Variants in CDK6 observed in about 807,000 individuals in gnomAD.
CDK6 encodes the protein cyclin-dependent kinase 6.
A neutral mutation model predicts 37.1 loss-of-function variants in CDK6; 6 were observed. The observed-to-expected ratio is 0.16, with a 90% CI of 0.09 to 0.32. CDK6 has a LOEUF of 0.32. CDK6 is among the 10% of genes least tolerant of loss of function. The probability of loss-of-function intolerance (pLI) is 1.00; values close to 1 mark genes in which losing one functional copy is unlikely to be tolerated. For missense variants in CDK6, 224 were observed against 418.9 expected, an observed-to-expected ratio of 0.53 and a Z score of 4.06; for synonymous variants, 160 against 161.3, an observed-to-expected ratio of 0.99 and a Z score of 0.06.
chr7:92,631,999 C>T (rs765558172), intron 5 of CDK6, among the ~76,000 whole-genome samples: 11 of 152,130 alleles, frequency 7.2e-5, no homozygotes, highest in African/African-American at 2.2e-4. Context: ...ACATACATTA[C>T]GGTAACTAAA....
At chr7:92,814,943 T>C (rs1194443907) in intron 2 of CDK6, among the ~76,000 whole-genome samples, 2 of 152,056 alleles carry the variant, frequency 1.3e-5, no homozygotes, top group African/African-American at 4.8e-5. Flanking sequence ...GTACATAATT[T>C]TTATAATTCA....
chr7:92,680,435 GAAAAAAAAAAAAAAA>G (rs778849907), intron 4 of CDK6, among the ~76,000 whole-genome samples: 2 of 27,934 alleles, frequency 7.2e-5, no homozygotes, highest in Non-Finnish European at 1.6e-4. Flanking sequence ...TTCCATCTCA[GAAAAAAAAAAAAAAA>G]AAAAAAAAAA....
intron 2 of CDK6, among the ~76,000 whole-genome samples, chr7:92,783,684 C>T (rs142535979): frequency 9.4e-4 from 143 of 152,266 alleles, no homozygotes; most frequent in African/African-American, 3.4e-3. Flanking sequence ...ATCCCCTAAA[C>T]TGGGCAAGTT....
chr7:92,619,116 C>G (rs1036889892), intron 6 of CDK6, among the ~76,000 whole-genome samples: 11 of 152,070 alleles, frequency 7.2e-5, no homozygotes, highest in Admixed American at 3.3e-4. Flanking sequence ...AAGCACAGCA[C>G]CTGATATACA....
intron 5 of CDK6, among the ~76,000 whole-genome samples, chr7:92,666,525 G>A (rs1796959423): frequency 6.6e-6 from 1 of 152,174 alleles, no homozygotes; most frequent in African/African-American, 2.4e-5. Context: ...ATTCTAATGT[G>A]TATCAGACAA....
intron 4 of CDK6, among the ~76,000 whole-genome samples, chr7:92,677,492 G>A (rs530487275): frequency 6.6e-6 from 1 of 152,260 alleles, no homozygotes; most frequent in African/African-American, 2.4e-5. Context: ...GGTGGCACAC[G>A]CCTGTAATCC....
intron 2 of CDK6, among the ~76,000 whole-genome samples, chr7:92,800,198 C>A (rs1312389486): frequency 6.6e-6 from 1 of 152,146 alleles, no homozygotes; most frequent in Non-Finnish European, 1.5e-5. Flanking sequence ...AATCTCCTAA[C>A]CAGTTCACCT....
At chr7:92,757,399 G>A (rs1461214332) in intron 3 of CDK6, among the ~76,000 whole-genome samples, 2 of 152,176 alleles carry the variant, frequency 1.3e-5, no homozygotes, top group Non-Finnish European at 2.9e-5. Flanking sequence ...GTGAGGACAT[G>A]CAGTATTTGG....
intron 3 of CDK6, among the ~76,000 whole-genome samples, chr7:92,751,439 A>AT (rs1022490183): frequency 1.3e-5 from 2 of 152,054 alleles, no homozygotes; most frequent in African/African-American, 4.8e-5. Flanking sequence ...TTTAAGCAGG[A>AT]TTTTTTCATT....
chr7:92,681,556 T>C (rs1465927708), intron 4 of CDK6, among the ~76,000 whole-genome samples: 2 of 152,182 alleles, frequency 1.3e-5, no homozygotes, highest in South Asian at 2.1e-4. Context: ...CAATTCATCA[T>C]GTGAATGTCT....
intron 3 of CDK6, 149 bp from the exon 4 acceptor site, chr7:92,725,942 C>T: frequency 3.2e-6 from 2 of 632,556 alleles, no homozygotes; most frequent in Non-Finnish European, 5.4e-6. Context: ...AATTGTCTCC[C>T]TTCCTGCCTT....
At chr7:92,801,956 TC>T (rs1301144988) in intron 2 of CDK6, among the ~76,000 whole-genome samples, 8 of 64,366 alleles carry the variant, frequency 1.2e-4, no homozygotes, top group African/African-American at 4.2e-4. Context: ...TCTCCTCCCC[TC>T]CCCCCCGTTC....
chr7:92,746,488 A>C (rs1799062473), intron 3 of CDK6, among the ~76,000 whole-genome samples: 1 of 152,228 alleles, frequency 6.6e-6, no homozygotes, highest in South Asian at 2.1e-4. Context: ...CAGAAGTATA[A>C]ATATTGTATA....
rs564135494 is a variant in CDK6, at chr7:92,612,556, A to C, written c.*2584T>G. 9 of 233,122 alleles carry C rather than the reference A, an allele frequency of 3.9e-5. No individual in the cohort carries two copies. The South Asian group carries it at 1.4e-3, about 37-fold the overall frequency. The allele number at this position is 233,122 out of a possible 1,614,324, so 14.4% of individuals were successfully genotyped here. A position where few individuals can be genotyped will look rare whatever the true frequency, so the allele number is the denominator to read the frequency against. On this transcript the variant is annotated 3_prime_UTR_variant, in exon 8 of 8. Coordinates refer to ENST00000424848, the MANE Select transcript of CDK6 (RefSeq NM_001145306.2). ...GGAAGAACTGGGGACAGATTTTTAC[A>C]AAGTTCAGAGAGGCTGAGATGCCCT...
At chr7:92,782,264 C>T (rs1454532718) in intron 2 of CDK6, among the ~76,000 whole-genome samples, 1 of 152,152 alleles carries the variant, frequency 6.6e-6, no homozygotes, top group East Asian at 1.9e-4. Flanking sequence ...ACACTATGTA[C>T]AACTTTATAT....
intron 5 of CDK6, among the ~76,000 whole-genome samples, chr7:92,644,688 A>G (rs1020689918): frequency 2.0e-5 from 3 of 152,232 alleles, no homozygotes; most frequent in Non-Finnish European, 1.5e-5. Flanking sequence ...AAAAAGAGGA[A>G]GGAAAGCTCA....
At chr7:92,621,540 C>T (rs922095976) in intron 6 of CDK6, among the ~76,000 whole-genome samples, 3 of 152,182 alleles carry the variant, frequency 2.0e-5, no homozygotes, top group Non-Finnish European at 2.9e-5. Context: ...CTTTCAAGTC[C>T]TGGCAAGCTG....
chr7:92,648,939 AT>A (rs1796509393), intron 5 of CDK6, among the ~76,000 whole-genome samples: 1 of 152,192 alleles, frequency 6.6e-6, no homozygotes, highest in South Asian at 2.1e-4. Context: ...ATCTTAATTC[AT>A]AAATGTTAAA....
chr7:92,709,571 T>A (rs150401809), intron 4 of CDK6, among the ~76,000 whole-genome samples: 1 of 152,220 alleles, frequency 6.6e-6, no homozygotes, highest in Non-Finnish European at 1.5e-5. Flanking sequence ...TATATACATA[T>A]ATGTATTTTA....
Sources: allele counts gnomAD v4.1 joint callset (sites outside exome capture counted in the v4.1 genomes callset), GRCh38; gene constraint gnomAD v4.1.1; transcripts MANE v1.5; gene names NCBI Gene and HGNC (gene_info 2026-07-23, HGNC 2026-07-21).